The following TIMM23B variants were observed in gnomAD, a reference collection of about 807,000 sequenced individuals.
TIMM23B encodes the protein translocase of inner mitochondrial membrane 23 homolog B.
A neutral mutation model predicts 27.3 loss-of-function variants in TIMM23B; 27 were observed. The observed-to-expected ratio is 0.99, with a 90% CI of 0.73 to 1.36. TIMM23B has a LOEUF of 1.36. TIMM23B is among the 40% of genes most tolerant of loss of function. TIMM23B has a pLI of 0.00. For missense variants in TIMM23B, 205 were observed against 244.2 expected, an observed-to-expected ratio of 0.84 and a Z score of 1.07; for synonymous variants, 73 against 92.4, an observed-to-expected ratio of 0.79 and a Z score of 1.21.
At chr10:49,952,392 AG>A (rs1839560931) in intron 3 of TIMM23B, 56 bp from the exon 4 acceptor site, 100 of 1,537,316 alleles carry the variant, frequency 6.5e-5, no homozygotes, top group South Asian at 1.4e-4. Context: ...TGCAGTTTTG[AG>A]GTTTTTTTTT....
intron 2 of TIMM23B, 38 bp downstream of exon 2, chr10:49,945,128 A>G: frequency 2.5e-6 from 4 of 1,609,742 alleles, no homozygotes. Context: ...GCATTATTTT[A>G]CCATTTTTAA....
intron 6 of TIMM23B, among the ~76,000 whole-genome samples, chr10:49,964,384 G>T (rs1429140589): frequency 6.6e-6 from 1 of 151,384 alleles, no homozygotes; most frequent in African/African-American, 2.4e-5. Context: ...ATAATGAAAT[G>T]CCAGGTGTGG....
chr10:49,965,348 G>C (rs1840091890), intron 6 of TIMM23B, among the ~76,000 whole-genome samples: 1 of 151,316 alleles, frequency 6.6e-6, no homozygotes, highest in African/African-American at 2.4e-5. Flanking sequence ...AATATGAAAT[G>C]AATAATGAAA....
Position 49,958,365 on chromosome 10 carries a change from T to C in TIMM23B, c.404-5T>C. ...TGTCACTGAGCACTTCCATTTCCTCTTTAGCGTTGCTCTATAGTGCATTTG... is the reference window on the plus strand; with the variant it reads ...TGTCACTGAGCACTTCCATTTCCTCCTTAGCGTTGCTCTATAGTGCATTTG... On this transcript the variant is annotated splice_polypyrimidine_tract_variant and splice_region_variant and intron_variant, in intron 5 of 6. Coordinates refer to ENST00000651259, the MANE Select transcript of TIMM23B (RefSeq NM_001290117.2). 10 of 1,613,794 alleles carry C rather than the reference T, an allele frequency of 6.2e-6. No individual in the cohort carries two copies. In the South Asian group the frequency reaches 1.1e-4, roughly 18 times the overall value.
At chr10:49,972,120 T>C (rs1166198519) in intron 6 of TIMM23B, among the ~76,000 whole-genome samples, 3 of 152,244 alleles carry the variant, frequency 2.0e-5, no homozygotes, top group Non-Finnish European at 4.4e-5. Flanking sequence ...TATTTTACAC[T>C]AAATAATAGT....
At position 49,955,118 on chromosome 10, in the gene TIMM23B, A is replaced by G. The variant is rs1232743148; in HGVS notation, c.403+58A>G. ...TAACTTAAAGAAAGAATGCACAAAT[A>G]TCATGAACAATTTGATCAACCCATA... is the stretch of plus-strand genomic sequence containing the variant. On this transcript the variant is annotated intron_variant, in intron 5 of 6. Transcript: ENST00000651259. The G allele has an allele frequency of 1.2e-5, 18 of 1,550,720 alleles. No homozygotes were observed. In the East Asian group the frequency reaches 3.2e-4, roughly 27 times the overall value.
At chr10:49,943,320 A>G (rs1300247525) in intron 1 of TIMM23B, 1 of 151,952 alleles carries the variant, frequency 6.6e-6, no homozygotes, top group Non-Finnish European at 1.5e-5. Flanking sequence ...AGCTCAAACA[A>G]TCCTCCCCTC....
intron 4 of TIMM23B, chr10:49,954,161 A>G (rs1839633405): frequency 6.1e-6 from 1 of 164,036 alleles, no homozygotes; most frequent in Non-Finnish European, 1.3e-5. Context: ...TGAGTCGTTT[A>G]ATAATTAAAC....
intron 4 of TIMM23B, chr10:49,954,177 G>A (rs1418400241): frequency 5.8e-6 from 1 of 171,558 alleles, no homozygotes; most frequent in East Asian, 1.7e-4. Context: ...TAAACTGAAT[G>A]AGTTCCTTCA....
At chr10:49,954,806 G>A (rs1839661065) in intron 4 of TIMM23B, among the ~76,000 whole-genome samples, 196 bp from the exon 5 acceptor site, 1 of 149,866 alleles carries the variant, frequency 6.7e-6, no homozygotes, top group East Asian at 2.0e-4. Flanking sequence ...CTAAAATTTT[G>A]AAAGTTTTAA....
At chr10:49,950,573 C>T (rs1225709799) in intron 2 of TIMM23B, among the ~76,000 whole-genome samples, 3 of 139,338 alleles carry the variant, frequency 2.2e-5, no homozygotes, top group African/African-American at 8.1e-5. Flanking sequence ...GATGGAGTCT[C>T]GCTCTGTCAC....
chr10:49,969,592 C>A (rs1386205396), intron 6 of TIMM23B, among the ~76,000 whole-genome samples: 2 of 151,264 alleles, frequency 1.3e-5, no homozygotes, highest in Non-Finnish European at 3.0e-5. Context: ...ACTCCCGAGG[C>A]TGAGGTGGGA....
chr10:49,943,034 A>G (rs1303256009), intron 1 of TIMM23B, among the ~76,000 whole-genome samples: 2 of 152,226 alleles, frequency 1.3e-5, no homozygotes, highest in East Asian at 3.8e-4. Flanking sequence ...AGCCTTTACG[A>G]AAGTACTTTC....
intron 6 of TIMM23B, among the ~76,000 whole-genome samples, chr10:49,966,816 C>T (rs1353978698): frequency 6.6e-6 from 1 of 152,220 alleles, no homozygotes; most frequent in Non-Finnish European, 1.5e-5. Context: ...CTGAGCGAAA[C>T]TCTGTCTCAA....
Position 49,973,052 on chromosome 10 carries a change from G to C in TIMM23B, c.555G>C (p.Leu185=), listed in dbSNP as rs1554856867. The change falls in exon 7 of 7, where the codon CTG becomes CTC. Residue 185 remains leucine (L), a synonymous_variant. Transcript: ENST00000651259. Reference sequence around the variant, plus strand: ...TGGATTCCCCGTTCTGTGTGCTGCTGTCTGGCTCCTGAACCCAGCTGTAGA... The same window carrying C: ...TGGATTCCCCGTTCTGTGTGCTGCTCTCTGGCTCCTGAACCCAGCTGTAGA... ...MALDSPFCVL[L]SGS 2.6e-6 allele frequency: 4 copies of C among 1,533,274 alleles called. No individual in the cohort carries two copies. The highest frequency in any genetic ancestry group is 3.5e-6 in the Non-Finnish European group (4 of 1,146,502). The allele number at this position is 1,533,274 out of a possible 1,614,324, so 95.0% of individuals were successfully genotyped here. A position where few individuals can be genotyped will look rare whatever the true frequency, so the allele number is the denominator to read the frequency against.
chr10:49,954,827 A>C (rs1277943559), intron 4 of TIMM23B, among the ~76,000 whole-genome samples, 175 bp from the exon 5 acceptor site: 4 of 151,182 alleles, frequency 2.6e-5, no homozygotes, highest in Admixed American at 2.6e-4. Flanking sequence ...CCTAATTTTC[A>C]CTTATGTAGA....
At chr10:49,970,992 C>A (rs1456689460) in intron 6 of TIMM23B, among the ~76,000 whole-genome samples, 3 of 152,216 alleles carry the variant, frequency 2.0e-5, no homozygotes, top group South Asian at 2.1e-4. Context: ...AAGAAAAATT[C>A]TTCTGCCTTG....
intron 5 of TIMM23B, among the ~76,000 whole-genome samples, chr10:49,956,372 G>A (rs1391119220): frequency 2.0e-5 from 3 of 150,128 alleles, no homozygotes; most frequent in Admixed American, 6.7e-5. Context: ...GTTATAATAC[G>A]TGAGAATCAA....
chr10:49,968,806 G>C (rs1840285542), intron 6 of TIMM23B, among the ~76,000 whole-genome samples: 1 of 152,072 alleles, frequency 6.6e-6, no homozygotes, highest in Non-Finnish European at 1.5e-5. Context: ...CTGCACTCCA[G>C]CCTGGGCCAC....
Sources: allele counts gnomAD v4.1 joint callset (sites outside exome capture counted in the v4.1 genomes callset), GRCh38; gene constraint gnomAD v4.1.1; transcripts MANE v1.5; gene names NCBI Gene and HGNC (gene_info 2026-07-23, HGNC 2026-07-21).